FRMD5: variants seen among roughly 807,000 people sequenced by gnomAD.
FRMD5 encodes FERM domain-containing protein 5.
Under a neutral mutation model 69.0 loss-of-function variants are expected in FRMD5, and 20 were observed. That is an observed-to-expected ratio of 0.29 (90% confidence interval 0.20 to 0.42). The LOEUF is 0.42. Among genes scored for constraint, FRMD5 ranks in the 10% least tolerant of loss-of-function variants. The probability of loss-of-function intolerance (pLI) is 1.00; values close to 1 mark genes in which losing one functional copy is unlikely to be tolerated. For synonymous variants in FRMD5, 271 were observed against 260.1 expected (o/e 1.04, Z -0.40); for missense variants, 595 against 708.6 (o/e 0.84, Z 1.82).
At chr15:44,075,341 A>C (rs1296026901) in intron 1 of FRMD5, among the ~76,000 whole-genome samples, 1 of 152,162 alleles carries the variant, frequency 6.6e-6, no homozygotes, top group African/African-American at 2.4e-5. Flanking sequence ...AGGAAAATGA[A>C]TAAATTTCTT....
At position 44,099,038 on chromosome 15, in the gene FRMD5, C is replaced by G. The variant is rs75546110; in HGVS notation, c.102+95915G>C. ...TTTCAGTTTCCTAGGTTAAGGGCAA[C>G]CTCATCAGAAACTGTTCAGGCTGGG... On this transcript the variant is annotated intron_variant, in intron 1 of 13. Transcript: ENST00000417257. Among the ~76,000 whole-genome samples, 100 of 152,318 alleles carry G rather than the reference C, an allele frequency of 6.6e-4. No homozygotes were observed. In the East Asian group the frequency reaches 0.018, roughly 28 times the overall value.
chr15:44,074,319 G>T (rs1371625713), intron 1 of FRMD5, among the ~76,000 whole-genome samples: 2 of 152,058 alleles, frequency 1.3e-5, no homozygotes, highest in Non-Finnish European at 2.9e-5. Context: ...CTAACCAACT[G>T]TAATTTTCTC....
intron 5 of FRMD5, among the ~76,000 whole-genome samples, chr15:43,906,739 C>T (rs1439800620): frequency 7.0e-6 from 1 of 143,514 alleles, no homozygotes; most frequent in Non-Finnish European, 1.5e-5. Context: ...GTAGCTGGGA[C>T]TACAGGCGCC....
intron 1 of FRMD5, among the ~76,000 whole-genome samples, chr15:44,132,485 G>A (rs1015074878): frequency 1.3e-5 from 2 of 152,176 alleles, no homozygotes; most frequent in African/African-American, 4.8e-5. Flanking sequence ...CTGGGGTGCA[G>A]TGGCATGATC....
At chr15:44,097,932 A>T (rs751357974) in intron 1 of FRMD5, among the ~76,000 whole-genome samples, 1 of 152,142 alleles carries the variant, frequency 6.6e-6, no homozygotes, top group African/African-American at 2.4e-5. Context: ...GAGCTGCAGA[A>T]TGGCCTTTGA....
intron 1 of FRMD5, among the ~76,000 whole-genome samples, chr15:43,932,289 C>T (rs1189390925): frequency 6.6e-6 from 1 of 152,208 alleles, no homozygotes; most frequent in Non-Finnish European, 1.5e-5. Flanking sequence ...TACATGTCCA[C>T]CTTGTAGTGT....
chr15:43,968,542 TTTC>T (rs2090329752), intron 1 of FRMD5, among the ~76,000 whole-genome samples: 2 of 152,202 alleles, frequency 1.3e-5, no homozygotes, highest in South Asian at 4.1e-4. Flanking sequence ...ATTCTGTGTG[TTTC>T]TTTTTTCCAA....
chr15:44,058,072 G>T (rs1204328661), intron 1 of FRMD5, among the ~76,000 whole-genome samples: 2 of 152,160 alleles, frequency 1.3e-5, no homozygotes, highest in Non-Finnish European at 2.9e-5. Context: ...TATTTGACGT[G>T]TAACAGTATA....
At chr15:43,902,017 AGAG>A (rs2089057278) in intron 7 of FRMD5, 155 bp downstream of exon 7, 6 of 654,508 alleles carry the variant, frequency 9.2e-6, no homozygotes, top group Admixed American at 2.5e-5. Context: ...CATGTGATCC[AGAG>A]GAGTTTTCAA....
At chr15:44,010,528 GCTGGCTAATTAATAA>G (rs1890670108) in intron 1 of FRMD5, among the ~76,000 whole-genome samples, 1 of 151,674 alleles carries the variant, frequency 6.6e-6, no homozygotes, top group South Asian at 2.1e-4. Context: ...CTCCTGAGTA[GCTGGCTAATTAATAA>G]CTGGCTAATT....
intron 1 of FRMD5, among the ~76,000 whole-genome samples, chr15:43,953,144 G>A (rs2090062620): frequency 6.6e-6 from 1 of 152,196 alleles, no homozygotes; most frequent in Admixed American, 6.5e-5. Context: ...GCACAGCACA[G>A]GGACTTCCCC....
rs192604632 is a variant in FRMD5, at chr15:43,905,388, C to T, written c.551+440G>A. Reference sequence around the variant, plus strand: ...CTGGCCTCACGTGATCCACCTGCCTCGACCTCCCAAAGTGCTGGGATTACA... The same window carrying T: ...CTGGCCTCACGTGATCCACCTGCCTTGACCTCCCAAAGTGCTGGGATTACA... On this transcript the variant is annotated intron_variant, in intron 6 of 13. Transcript: ENST00000417257. Among the ~76,000 whole-genome samples, 6 of 152,278 alleles carry T rather than the reference C, an allele frequency of 3.9e-5. No individual in the cohort carries two copies. In the East Asian group the frequency reaches 9.7e-4, roughly 24 times the overall value.
intron 1 of FRMD5, among the ~76,000 whole-genome samples, chr15:44,005,646 C>A (rs966598795): frequency 3.9e-5 from 6 of 152,068 alleles, no homozygotes; most frequent in African/African-American, 1.4e-4. Flanking sequence ...GGAAGCAAGG[C>A]ATCTCACATG....
At chr15:43,922,472 C>T (rs1371565263) in intron 2 of FRMD5, among the ~76,000 whole-genome samples, 1 of 152,158 alleles carries the variant, frequency 6.6e-6, no homozygotes, top group Non-Finnish European at 1.5e-5. Context: ...TAAATGTTTA[C>T]TTCTCCTCTT....
chr15:44,104,540 T>A (rs79224769), intron 1 of FRMD5, among the ~76,000 whole-genome samples: 5,813 of 152,268 alleles, frequency 0.038, 330 homozygotes, highest in African/African-American at 0.12. Context: ...GGTGTACCAT[T>A]TTTAATGTTT....
intron 11 of FRMD5, among the ~76,000 whole-genome samples, chr15:43,885,479 A>T (rs912863010): frequency 1.3e-5 from 2 of 152,164 alleles, no homozygotes; most frequent in African/African-American, 4.8e-5. Context: ...GCCGGCCAAT[A>T]TACATTTAAA....
chr15:43,880,321 T>G (rs914455865), intron 13 of FRMD5, among the ~76,000 whole-genome samples: 1 of 152,156 alleles, frequency 6.6e-6, no homozygotes, highest in Non-Finnish European at 1.5e-5. Flanking sequence ...GGGTTTTTGT[T>G]GGTTGCGCCC....
chr15:43,992,598 G>A (rs533837047), intron 1 of FRMD5, among the ~76,000 whole-genome samples: 1 of 152,180 alleles, frequency 6.6e-6, no homozygotes, highest in East Asian at 1.9e-4. Context: ...GACTGGTCTC[G>A]AACTCCTGAT....
At chr15:43,968,707 G>T (rs1183936397) in intron 1 of FRMD5, among the ~76,000 whole-genome samples, 1 of 152,070 alleles carries the variant, frequency 6.6e-6, no homozygotes, top group Non-Finnish European at 1.5e-5. Context: ...CTAGTCTAAA[G>T]GAAATTGTTT....
Sources: gnomAD v4.1 joint callset for allele counts (sites outside exome capture counted in the v4.1 genomes callset) on GRCh38, gnomAD v4.1.1 for gene constraint, MANE v1.5 for transcripts, NCBI Gene and HGNC (gene_info 2026-07-23, HGNC 2026-07-21) for gene names.